Variants in NDUFA10 observed in about 807,000 individuals in gnomAD.
The protein encoded by NDUFA10 is NADH:ubiquinone oxidoreductase subunit A10, also known as NADH dehydrogenase [ubiquinone] 1 alpha subcomplex subunit 10, mitochondrial.
NDUFA10 carries 40 observed loss-of-function variants against 47.8 expected under a neutral mutation model. The observed-to-expected ratio is 0.84, with a 90% CI of 0.65 to 1.09. The LOEUF (loss-of-function observed/expected upper bound fraction) is 1.09, where lower values mean the gene tolerates loss of function less well. Ranked by LOEUF, NDUFA10 falls within the 50% of genes least tolerant of loss-of-function variation. The probability of loss-of-function intolerance (pLI) is 0.00; values close to 1 mark genes in which losing one functional copy is unlikely to be tolerated. For synonymous variants in NDUFA10, 183 were observed against 172.2 expected (o/e 1.06, Z -0.49); for missense variants, 413 against 451.1 (o/e 0.92, Z 0.76).
intron 4 of NDUFA10, among the ~76,000 whole-genome samples, chr2:239,947,653 CG>C (rs1443525415): frequency 6.6e-6 from 1 of 152,186 alleles, no homozygotes; most frequent in East Asian, 1.9e-4. Flanking sequence ...AGGGTCCTCC[CG>C]GGGCTCCTCT....
In NDUFA10 at chr2:239,928,468, T is replaced by C. The variant is rs191297410; in HGVS notation, c.295-33154A>G. ...ATTATTCTGTGAAGTCAGTTCCTCA[T>C]GGCAGGAAATCCCCCGAATCCACGC... On this transcript the variant is annotated intron_variant, in intron 4 of 5. Transcript: ENST00000419408. The surrounding 1 kb of genome is among the most constrained non-coding windows in gnomAD (Gnocchi z 4.3). 2.6e-3 allele frequency among the ~76,000 whole-genome samples: 391 copies of C among 152,322 alleles called. 2 individuals carry two copies. The highest frequency in any genetic ancestry group is 9.0e-3 in the African/African-American group (373 of 41,578).
rs575499828 is a variant in NDUFA10, at chr2:239,959,335, C to T, written c.*1783G>A. On this transcript the variant is annotated 3_prime_UTR_variant, in exon 10 of 10. Coordinates refer to ENST00000252711, the MANE Select transcript of NDUFA10 (RefSeq NM_004544.4). ...CCCTCTCACTGCTGAGGACACTACCCGTGCAACCACCAAGGTTGAAGGAAA... is the reference window on the plus strand; with the variant it reads ...CCCTCTCACTGCTGAGGACACTACCTGTGCAACCACCAAGGTTGAAGGAAA... 5.6e-5 allele frequency: 55 copies of T among 985,444 alleles called. No homozygotes were observed. The South Asian group carries it at 5.6e-4, about 10-fold the overall frequency. The allele number at this position is 985,444 out of a possible 1,614,324, so 61.0% of individuals were successfully genotyped here. A position where few individuals can be genotyped will look rare whatever the true frequency, so the allele number is the denominator to read the frequency against.
At chr2:239,898,942 GGGGTGT>G (rs1693456730) in intron 4 of NDUFA10, among the ~76,000 whole-genome samples, 1 of 138,908 alleles carries the variant, frequency 7.2e-6, no homozygotes, top group Non-Finnish European at 1.6e-5. Flanking sequence ...GTGTGACGGA[GGGGTGT>G]GGAGGGGTGT....
intron 8 of NDUFA10, among the ~76,000 whole-genome samples, chr2:239,992,952 A>G (rs1696312528): frequency 6.6e-6 from 1 of 152,250 alleles, no homozygotes; most frequent in African/African-American, 2.4e-5. Flanking sequence ...CATAATTATC[A>G]CTTGAGTCCC....
intron 5 of NDUFA10, among the ~76,000 whole-genome samples, chr2:239,893,408 T>C (rs970212281): frequency 2.4e-4 from 37 of 152,248 alleles, no homozygotes; most frequent in Admixed American, 6.5e-5. Context: ...GGATGTGTCT[T>C]AGTCCATCTG....
intron 4 of NDUFA10, among the ~76,000 whole-genome samples, chr2:239,900,797 C>T (rs185774810): frequency 4.9e-4 from 74 of 152,306 alleles, no homozygotes; most frequent in Non-Finnish European, 6.2e-4. Flanking sequence ...AATTCTGTGA[C>T]GGTAAAGCTA....
chr2:239,941,093 G>T (rs930933812), intron 4 of NDUFA10, among the ~76,000 whole-genome samples: 6 of 152,192 alleles, frequency 3.9e-5, no homozygotes, highest in Non-Finnish European at 5.9e-5. Flanking sequence ...GCAGAAACAG[G>T]CAAGCCAGAT....
chr2:240,004,493 T>C (rs577170627), intron 8 of NDUFA10, among the ~76,000 whole-genome samples: 10 of 149,222 alleles, frequency 6.7e-5, no homozygotes, highest in African/African-American at 2.4e-4. Context: ...CCTATCCGCC[T>C]TCTGCTGTGG....
At chr2:239,950,030 G>T (rs1419939712) in intron 4 of NDUFA10, among the ~76,000 whole-genome samples, 1 of 152,070 alleles carries the variant, frequency 6.6e-6, no homozygotes, top group African/African-American at 2.4e-5. Flanking sequence ...ATTTTCTTAC[G>T]TACATAATGG....
At chr2:239,973,667 A>G in intron 9 of NDUFA10, 1 of 460,366 alleles carries the variant, frequency 2.2e-6, no homozygotes, top group Non-Finnish European at 4.5e-6. Flanking sequence ...CTGAACTGGT[A>G]AAATAGAAAC....
rs1694747713 is a variant in NDUFA10 at position 239,959,222 on chromosome 2, C to A, written c.*1896G>T. ...CAAACACAGGGGATGATCAGAGCACCCGAGTCCACACCATGCCGACACGGA... is the reference window on the plus strand; with the variant it reads ...CAAACACAGGGGATGATCAGAGCACACGAGTCCACACCATGCCGACACGGA... On this transcript the variant is annotated 3_prime_UTR_variant, in exon 10 of 10. Transcript: ENST00000252711. The A allele has an allele frequency of 2.0e-6, 2 of 985,056 alleles. No homozygotes were observed. The highest frequency in any genetic ancestry group is 2.4e-6 in the Non-Finnish European group (2 of 829,720). The allele number at this position is 985,056 out of a possible 1,614,324, so 61.0% of individuals were successfully genotyped here.
chr2:239,994,180 G>A (rs1221191119), intron 8 of NDUFA10, among the ~76,000 whole-genome samples: 1 of 152,072 alleles, frequency 6.6e-6, no homozygotes, highest in Non-Finnish European at 1.5e-5. Context: ...GGTTCAGCAG[G>A]GTCCTGTCCC....
downstream of NDUFA10, among the ~76,000 whole-genome samples, chr2:239,952,792 C>T (rs547978369): frequency 1.3e-5 from 2 of 152,180 alleles, no homozygotes; most frequent in East Asian, 1.9e-4. Flanking sequence ...CCACGGCAGA[C>T]GCGAGGCTCT....
rs114644681 is a variant in NDUFA10 at position 239,984,869 on chromosome 2, C to T, written c.999+5205G>A. On this transcript the variant is annotated intron_variant, in intron 9 of 9. Coordinates refer to ENST00000252711, the MANE Select transcript of NDUFA10 (RefSeq NM_004544.4). ...CAGAGCTTTCAGCAGCAGGAGTGCA[C>T]TGTGGGGCCAAACATGCAGTTCAGG... Among the ~76,000 whole-genome samples, 538 of 152,340 alleles carry T rather than the reference C, an allele frequency of 3.5e-3. 2 individuals carry two copies. Among genetic ancestry groups the T allele is most frequent in the Middle Eastern group, 0.017 (5 of 294 alleles).
rs1694100225 is a variant in NDUFA10, at chr2:239,928,353, AAAGAC to A, written c.295-33044_295-33040del. Reference sequence around the variant, plus strand: ...AATCATGACTAAAGAAAAGAAGGCAAAAGACAAGATGAAATACAGAGCTGGAAAGA... The same window carrying A: ...AATCATGACTAAAGAAAAGAAGGCAAAAGATGAAATACAGAGCTGGAAAGA... On this transcript the variant is annotated intron_variant, in intron 4 of 5. Transcript: ENST00000419408. This position sits in a 1 kb window ranked among gnomAD's most constrained non-coding sequence, Gnocchi z 4.3. 6.6e-6 allele frequency among the ~76,000 whole-genome samples: 1 copy of A among 152,234 alleles called. No homozygotes were observed. Among genetic ancestry groups the A allele is most frequent in the African/African-American group, 2.4e-5 (1 of 41,466 alleles).
At chr2:239,973,098 C>T (rs78084127) in intron 9 of NDUFA10, among the ~76,000 whole-genome samples, 2,326 of 152,274 alleles carry the variant, frequency 0.015, 50 homozygotes, top group African/African-American at 0.053. Context: ...GTAAATAACT[C>T]GGGCATACAG....
intron 9 of NDUFA10, among the ~76,000 whole-genome samples, chr2:239,986,713 T>C (rs1696017075): frequency 1.3e-5 from 2 of 152,206 alleles, no homozygotes; most frequent in Non-Finnish European, 2.9e-5. Context: ...TTGGCAATCA[T>C]CATAGTAATA....
chr2:240,010,335 C>T (rs1450398519), intron 6 of NDUFA10, among the ~76,000 whole-genome samples: 2 of 152,086 alleles, frequency 1.3e-5, no homozygotes, highest in Non-Finnish European at 2.9e-5. Flanking sequence ...TCTATGAGGG[C>T]GGCAAAGTAA....
At chr2:239,915,662 GCACA>G (rs1334520925) in intron 4 of NDUFA10, among the ~76,000 whole-genome samples, 8 of 116,906 alleles carry the variant, frequency 6.8e-5, no homozygotes, top group Non-Finnish European at 1.3e-4. Context: ...ACACAGAGAT[GCACA>G]CACAAACATA....
Sources: allele counts gnomAD v4.1 joint callset (sites outside exome capture counted in the v4.1 genomes callset), GRCh38; gene constraint gnomAD v4.1.1; non-coding constraint Gnocchi (gnomAD v3.1); transcripts MANE v1.5; gene names NCBI Gene and HGNC (gene_info 2026-07-23, HGNC 2026-07-21).